SAAL1: variants seen among roughly 807,000 people sequenced by gnomAD.
The protein encoded by SAAL1 is serum amyloid A like 1, also known as protein SAAL1.
A neutral mutation model predicts 59.8 loss-of-function variants in SAAL1; 42 were observed. The observed-to-expected ratio is 0.70, with a 90% CI of 0.55 to 0.91. SAAL1 has a LOEUF of 0.91. Among genes scored for constraint, SAAL1 ranks in the 40% least tolerant of loss-of-function variants. The probability of loss-of-function intolerance (pLI) is 0.00; values close to 1 mark genes in which losing one functional copy is unlikely to be tolerated. For synonymous variants in SAAL1, 191 were observed against 194.3 expected, an observed-to-expected ratio of 0.98 and a Z score of 0.14; for missense variants, 542 against 561.1, an observed-to-expected ratio of 0.97 and a Z score of 0.34.
At position 18,096,776 on chromosome 11, in the gene SAAL1, A is replaced by T. The variant is rs748661594; in HGVS notation, c.328T>A (p.Leu110Ile). ...TTAGAAATGTACATACTTACTCTTA[A>T]TCGAGGACACTTGGACTTGGCCAGT... The part of the protein sequence containing the change: ...GVLAKSKCPR[L>I]REICVGILGN... The change falls in exon 3 of 12, where the codon TTA becomes ATA. Residue 110 changes from leucine (L) to isoleucine (I), a missense_variant. Physicochemically the swap from Leu to Ile is conservative, Grantham distance 5. Transcript: ENST00000524803. 8.6e-6 allele frequency: 13 copies of T among 1,515,788 alleles called. No individual in the cohort carries two copies. Among genetic ancestry groups the T allele is most frequent in the Non-Finnish European group, 1.1e-5 (12 of 1,091,888 alleles). The allele number at this position is 1,515,788 out of a possible 1,614,324, so 93.9% of individuals were successfully genotyped here.
chr11:18,099,552 A>G (rs1848612570), intron 2 of SAAL1, among the ~76,000 whole-genome samples: 1 of 152,262 alleles, frequency 6.6e-6, no homozygotes, highest in African/African-American at 2.4e-5. Context: ...TACTTTAGAC[A>G]TGACATTGAA....
chr11:18,103,763 A>C (rs1848660233), intron 1 of SAAL1, among the ~76,000 whole-genome samples: 1 of 152,220 alleles, frequency 6.6e-6, no homozygotes, highest in Non-Finnish European at 1.5e-5. Flanking sequence ...AATTATTATA[A>C]AACAAAAATC....
At chr11:18,085,855 A>G (rs1043836334) in intron 9 of SAAL1, among the ~76,000 whole-genome samples, 2 of 152,214 alleles carry the variant, frequency 1.3e-5, no homozygotes, top group African/African-American at 4.8e-5. Context: ...GAAAAAACTG[A>G]TACCACTAGA....
rs964519224 is a variant in SAAL1, at chr11:18,081,464, T to G, written c.1279A>C (p.Lys427Gln). 1 of 1,613,994 alleles carries G rather than the reference T, an allele frequency of 6.2e-7. No individual in the cohort carries two copies. The highest frequency in any genetic ancestry group is 1.3e-5 in the African/African-American group (1 of 74,922). Residue 427 changes from lysine to glutamine, a missense_variant, in exon 11 of 12, where the codon AAA (lysine) becomes CAA (glutamine). Transcript: ENST00000524803. ...AQGVKEGQLS[K>Q]QKCSSAFQNL... Reference sequence around the variant, plus strand: ...TGAAATGCAGAGGAACACTTCTGTTTGCTCAACTGGCCTTCCTTTACTCCC... The same window carrying G: ...TGAAATGCAGAGGAACACTTCTGTTGGCTCAACTGGCCTTCCTTTACTCCC...
At chr11:18,099,148 T>C (rs1250443804) in intron 2 of SAAL1, among the ~76,000 whole-genome samples, 2 of 152,198 alleles carry the variant, frequency 1.3e-5, no homozygotes, top group Non-Finnish European at 2.9e-5. Context: ...CTGTCCATAC[T>C]GGAGCAGTGG....
chr11:18,092,440 G>C, intron 3 of SAAL1, 116 bp from the exon 4 acceptor site: 1 of 694,080 alleles, frequency 1.4e-6, no homozygotes, highest in East Asian at 2.6e-5. Context: ...CGGAGGGGAG[G>C]CAGGATAAAG....
chr11:18,102,845 G>C (rs1848648462), intron 2 of SAAL1, among the ~76,000 whole-genome samples: 1 of 152,146 alleles, frequency 6.6e-6, no homozygotes, highest in Non-Finnish European at 1.5e-5. Flanking sequence ...TGCAATTACA[G>C]ACATATAATT....
chr11:18,091,034 G>A (rs1042301652), intron 4 of SAAL1: 3 of 152,280 alleles, frequency 2.0e-5, no homozygotes, highest in African/African-American at 7.2e-5. Flanking sequence ...GACTGCTGCA[G>A]AGCACTCCAT....
At chr11:18,085,657 G>A (rs540216738) in intron 9 of SAAL1, among the ~76,000 whole-genome samples, 94 of 152,274 alleles carry the variant, frequency 6.2e-4, no homozygotes, top group African/African-American at 2.2e-3. Flanking sequence ...AGAGGAATTT[G>A]CCTTATTAGG....
chr11:18,097,981 A>G (rs1338833687), intron 2 of SAAL1, among the ~76,000 whole-genome samples: 3 of 152,144 alleles, frequency 2.0e-5, no homozygotes, highest in Non-Finnish European at 4.4e-5. Flanking sequence ...CGCCATCTCT[A>G]CAAACAATAC....
chr11:18,103,170 T>A, intron 2 of SAAL1, 63 bp downstream of exon 2: 2 of 1,135,304 alleles, frequency 1.8e-6, no homozygotes, highest in Non-Finnish European at 1.3e-6. Context: ...GAACCGTTTT[T>A]AAAACATTCA....
intron 9 of SAAL1, among the ~76,000 whole-genome samples, chr11:18,086,320 T>C (rs985613018): frequency 2.6e-5 from 4 of 152,190 alleles, no homozygotes; most frequent in Admixed American, 1.3e-4. Context: ...GACAATCACC[T>C]GAGCCCAGGA....
chr11:18,103,403 G>A, intron 1 of SAAL1, 57 bp from the exon 2 acceptor site: 2 of 1,261,552 alleles, frequency 1.6e-6, no homozygotes, highest in South Asian at 2.4e-5. Context: ...TACTAACCAG[G>A]TACCCAAATA....
At chr11:18,092,714 C>A (rs1395285391) in intron 3 of SAAL1, among the ~76,000 whole-genome samples, 1 of 152,108 alleles carries the variant, frequency 6.6e-6, no homozygotes, top group Non-Finnish European at 1.5e-5. Flanking sequence ...GGTTGTGGCA[C>A]AAAGTGGGTG....
At position 18,096,953 on chromosome 11, in the gene SAAL1, A is replaced by G. The variant is rs528295910; in HGVS notation, c.250-99T>C. On this transcript the variant is annotated intron_variant, in intron 2 of 11. Coordinates refer to ENST00000524803, the MANE Select transcript of SAAL1 (RefSeq NM_138421.3). ...AATTCTATATTAAAATTAGAATTTTACGCCAGGCGCAGTGGCTGACACCTG... is the reference window on the plus strand; with the variant it reads ...AATTCTATATTAAAATTAGAATTTTGCGCCAGGCGCAGTGGCTGACACCTG... The G allele has an allele frequency of 1.9e-4, 135 of 700,990 alleles. No homozygotes were observed. The African/African-American group carries it at 2.3e-3, about 12-fold the overall frequency. The allele number at this position is 700,990 out of a possible 1,614,324, so 43.4% of individuals were successfully genotyped here. A position where few individuals can be genotyped will look rare whatever the true frequency, so the allele number is the denominator to read the frequency against.
chr11:18,094,880 C>T (rs1463609172), intron 3 of SAAL1, among the ~76,000 whole-genome samples: 3 of 152,152 alleles, frequency 2.0e-5, no homozygotes, highest in Non-Finnish European at 4.4e-5. Context: ...AATCAAAGAT[C>T]AAGTTTTTCT....
intron 2 of SAAL1, 54 bp downstream of exon 2, chr11:18,103,179 C>T: frequency 8.3e-7 from 1 of 1,200,798 alleles, no homozygotes. Context: ...TTAAAACATT[C>T]ATTCACCATC....
chr11:18,090,883 G>T, intron 4 of SAAL1: 1 of 155,498 alleles, frequency 6.4e-6, no homozygotes, highest in Non-Finnish European at 1.4e-5. Context: ...TAATCTGGGA[G>T]GTTATTTGGA....
intron 2 of SAAL1, among the ~76,000 whole-genome samples, chr11:18,099,658 G>C (rs185263568): frequency 2.1e-4 from 32 of 152,288 alleles, no homozygotes; most frequent in African/African-American, 7.7e-4. Context: ...AATTCTGTGG[G>C]AACACCAAAA....
Sources: gnomAD v4.1 joint callset for allele counts (sites outside exome capture counted in the v4.1 genomes callset) on GRCh38, gnomAD v4.1.1 for gene constraint, MANE v1.5 for transcripts, NCBI Gene and HGNC (gene_info 2026-07-23, HGNC 2026-07-21) for gene names.